MTX2: variants seen among roughly 807,000 people sequenced by gnomAD.
The protein encoded by MTX2 is metaxin-2.
In MTX2, 35 loss-of-function variants were observed where a neutral mutation model predicts 42.3. The ratio of observed to expected loss-of-function variants is 0.83; its 90% CI spans 0.63 to 1.10. The LOEUF is 1.10. Ranked by LOEUF, MTX2 falls within the 50% of genes least tolerant of loss-of-function variation. The pLI, the probability that MTX2 is intolerant of heterozygous loss-of-function variation, is 0.00. For synonymous variants in MTX2, 119 were observed against 100.9 expected (o/e 1.18, Z -1.08); for missense variants, 307 against 304.1 (o/e 1.01, Z -0.07).
At chr2:176,331,430 T>C (rs1684860765) in intron 9 of MTX2, among the ~76,000 whole-genome samples, 1 of 151,168 alleles carries the variant, frequency 6.6e-6, no homozygotes, top group Non-Finnish European at 1.5e-5. Flanking sequence ...ATTTTTAGAT[T>C]AATAATTTCT....
At chr2:176,289,567 C>A (rs1357539910) in intron 1 of MTX2, among the ~76,000 whole-genome samples, 1 of 151,958 alleles carries the variant, frequency 6.6e-6, no homozygotes, top group Admixed American at 6.6e-5. Flanking sequence ...TTCTTTTTAT[C>A]TGCAGTATAG....
chr2:176,311,831 G>T (rs1265330486), intron 3 of MTX2, among the ~76,000 whole-genome samples: 1 of 152,230 alleles, frequency 6.6e-6, no homozygotes, highest in Non-Finnish European at 1.5e-5. Context: ...CTAAGAAAGG[G>T]ATATCCCCTG....
chr2:176,289,429 A>G (rs1417571537), intron 1 of MTX2, among the ~76,000 whole-genome samples: 1 of 152,126 alleles, frequency 6.6e-6, no homozygotes, highest in Non-Finnish European at 1.5e-5. Context: ...TAAAGAAGAC[A>G]CTAAATATAG....
chr2:176,316,231 C>T (rs2105433070), intron 3 of MTX2, among the ~76,000 whole-genome samples: 1 of 152,192 alleles, frequency 6.6e-6, no homozygotes, highest in African/African-American at 2.4e-5. Flanking sequence ...TGCTCTAGGT[C>T]ATTAGAAGAA....
At chr2:176,271,806 TATTA>T (rs1445314747) in intron 1 of MTX2, among the ~76,000 whole-genome samples, 1 of 152,210 alleles carries the variant, frequency 6.6e-6, no homozygotes, top group Admixed American at 6.5e-5. Context: ...TACACAATGA[TATTA>T]ATTGCAGCAT....
chr2:176,289,256 T>C (rs1693274647), intron 1 of MTX2, among the ~76,000 whole-genome samples: 1 of 152,096 alleles, frequency 6.6e-6, no homozygotes, highest in South Asian at 2.1e-4. Flanking sequence ...GCATTATTTA[T>C]TTTATGGCTT....
intron 4 of MTX2, 68 bp downstream of exon 4, chr2:176,323,532 T>G (rs368762173): frequency 1.2e-5 from 17 of 1,374,742 alleles, no homozygotes; most frequent in Non-Finnish European, 1.4e-5. Context: ...TAGTCCAGTT[T>G]GTATCTACAT....
intron 3 of MTX2, among the ~76,000 whole-genome samples, chr2:176,308,024 T>C (rs1453001906): frequency 6.6e-6 from 1 of 152,168 alleles, no homozygotes; most frequent in Admixed American, 6.5e-5. Context: ...AGTATGATAT[T>C]GGCTGTGGGT....
In MTX2 at chr2:176,337,862, T is replaced by C. The variant is rs936881598; in HGVS notation, c.*198T>C. 2.2e-5 allele frequency: 9 copies of C among 408,670 alleles called. No homozygotes were observed. The Admixed American group carries it at 2.7e-4, about 12-fold the overall frequency. The allele number at this position is 408,670 out of a possible 1,614,324, so 25.3% of individuals were successfully genotyped here. A position where few individuals can be genotyped will look rare whatever the true frequency, so the allele number is the denominator to read the frequency against. On this transcript the variant is annotated 3_prime_UTR_variant, in exon 10 of 10. Coordinates refer to ENST00000249442, the MANE Select transcript of MTX2 (RefSeq NM_006554.5). ...ATTCTGAATTATTTAATCTGATATG[T>C]TGTATTCTGTATCTTGAAATTTTTG...
At chr2:176,325,346 A>T (rs1684683720) in intron 4 of MTX2, among the ~76,000 whole-genome samples, 1 of 151,790 alleles carries the variant, frequency 6.6e-6, no homozygotes, top group Non-Finnish European at 1.5e-5. Flanking sequence ...AATAATAAGG[A>T]TATAACATTG....
At chr2:176,324,026 GATTAA>G (rs1299504047) in intron 4 of MTX2, among the ~76,000 whole-genome samples, 1 of 151,272 alleles carries the variant, frequency 6.6e-6, no homozygotes, top group African/African-American at 2.4e-5. Context: ...TATGTCAGTA[GATTAA>G]ATTACTGTTT....
chr2:176,295,753 C>T (rs1683856569), intron 1 of MTX2, among the ~76,000 whole-genome samples: 1 of 151,920 alleles, frequency 6.6e-6, no homozygotes, highest in Non-Finnish European at 1.5e-5. Flanking sequence ...CCAGGGATTG[C>T]TTTAGAACAT....
intron 3 of MTX2, among the ~76,000 whole-genome samples, chr2:176,303,949 A>G (rs1032978388): frequency 2.6e-5 from 4 of 152,052 alleles, no homozygotes; most frequent in African/African-American, 7.2e-5. Context: ...AGTAAATAGC[A>G]AGCAGGATTT....
intron 1 of MTX2, among the ~76,000 whole-genome samples, chr2:176,279,584 T>G (rs886858613): frequency 6.6e-6 from 1 of 152,122 alleles, no homozygotes; most frequent in Non-Finnish European, 1.5e-5. Flanking sequence ...TGCTATCTAG[T>G]TTTTTGTTAG....
At chr2:176,303,000 G>A (rs992508587) in intron 3 of MTX2, among the ~76,000 whole-genome samples, 1 of 152,102 alleles carries the variant, frequency 6.6e-6, no homozygotes, top group Admixed American at 6.6e-5. Flanking sequence ...AAATACAGCT[G>A]CTGTAAATTT....
chr2:176,319,507 T>A (rs540683929), intron 3 of MTX2, among the ~76,000 whole-genome samples: 7 of 149,478 alleles, frequency 4.7e-5, no homozygotes, highest in African/African-American at 1.7e-4. Flanking sequence ...TATCCTACCA[T>A]AGCTTCCTCG....
At chr2:176,280,891 T>G (rs1397522454) in intron 1 of MTX2, among the ~76,000 whole-genome samples, 1 of 152,222 alleles carries the variant, frequency 6.6e-6, no homozygotes, top group Non-Finnish European at 1.5e-5. Flanking sequence ...GATAGTGTCC[T>G]GGGCTGATCC....
intron 3 of MTX2, among the ~76,000 whole-genome samples, chr2:176,321,354 C>T (rs966648227): frequency 2.6e-5 from 4 of 152,074 alleles, no homozygotes; most frequent in African/African-American, 9.7e-5. Context: ...TTAGTTTCCA[C>T]TTAAATAGAC....
At chr2:176,315,689 TG>T (rs1246426223) in intron 3 of MTX2, among the ~76,000 whole-genome samples, 2 of 152,194 alleles carry the variant, frequency 1.3e-5, no homozygotes, top group Non-Finnish European at 2.9e-5. Context: ...TATTTTTGGT[TG>T]CCTCTCTGAT....
Sources: allele counts gnomAD v4.1 joint callset (sites outside exome capture counted in the v4.1 genomes callset), GRCh38; gene constraint gnomAD v4.1.1; transcripts MANE v1.5; gene names NCBI Gene and HGNC (gene_info 2026-07-23, HGNC 2026-07-21).